Variants in UMAD1 observed in about 807,000 individuals in gnomAD.
The protein encoded by UMAD1 is UBAP1-MVB12-associated (UMA) domain containing 1.
Under a neutral mutation model 6.1 loss-of-function variants are expected in UMAD1, and 8 were observed. The ratio of observed to expected loss-of-function variants is 1.30; its 90% CI spans 0.76 to 2.35. The LOEUF (loss-of-function observed/expected upper bound fraction) is 2.35. Among genes scored for constraint, UMAD1 ranks in the 30% most tolerant of loss-of-function variants. The pLI, the probability that UMAD1 is intolerant of heterozygous loss-of-function variation, is 0.00. For missense variants in UMAD1, 130 were observed against 78.4 expected (o/e 1.66, Z -2.49); for synonymous variants, 56 against 31.4 (o/e 1.78, Z -2.61).
intron 2 of UMAD1, among the ~76,000 whole-genome samples, chr7:7,732,495 C>T (rs1340322538): frequency 6.6e-6 from 1 of 151,954 alleles, no homozygotes; most frequent in Admixed American, 6.6e-5. Context: ...GTATTTATGA[C>T]AGAAAAAAAT....
In UMAD1 at chr7:7,699,120, C is replaced by T. The variant is rs573938034; in HGVS notation, c.82+25667C>T. ...TTTGCCTGCCTTGGCTTCCAAAGTG[C>T]TAGCATTATAGGTGTGAGCCACCGT... On this transcript the variant is annotated intron_variant, in intron 2 of 3. Transcript: ENST00000682710. Among the ~76,000 whole-genome samples, 9 of 151,964 alleles carry T rather than the reference C, an allele frequency of 5.9e-5. No individual in the cohort carries two copies. The East Asian group carries it at 1.7e-3, about 29-fold the overall frequency.
intron 3 of UMAD1, among the ~76,000 whole-genome samples, chr7:7,845,319 T>C (rs2115318471): frequency 6.6e-6 from 1 of 152,182 alleles, no homozygotes; most frequent in African/African-American, 2.4e-5. Context: ...ACATATGTAG[T>C]TCTTATTAAT....
chr7:7,774,965 C>G (rs1782172836), intron 2 of UMAD1, among the ~76,000 whole-genome samples: 1 of 152,146 alleles, frequency 6.6e-6, no homozygotes, highest in South Asian at 2.1e-4. Context: ...CTTCTCTAAC[C>G]TTTCTTCATC....
intron 2 of UMAD1, among the ~76,000 whole-genome samples, chr7:7,751,517 AG>A (rs1420694221): frequency 6.6e-6 from 1 of 152,220 alleles, no homozygotes; most frequent in Non-Finnish European, 1.5e-5. Context: ...TGGAAAAGTC[AG>A]GGAAACTAAA....
chr7:7,734,382 A>G (rs886720402), intron 2 of UMAD1, among the ~76,000 whole-genome samples: 1 of 152,048 alleles, frequency 6.6e-6, no homozygotes, highest in African/African-American at 2.4e-5. Flanking sequence ...AGATTTTTAA[A>G]TTTTAATTAA....
At chr7:7,829,675 C>T (rs1272446631) in intron 3 of UMAD1, among the ~76,000 whole-genome samples, 6 of 152,166 alleles carry the variant, frequency 3.9e-5, no homozygotes, top group South Asian at 2.1e-4. Context: ...ATGTAATGAA[C>T]GAGCATTTTA....
chr7:7,839,754 A>G (rs965345139), intron 3 of UMAD1, among the ~76,000 whole-genome samples: 8 of 152,152 alleles, frequency 5.3e-5, no homozygotes, highest in Non-Finnish European at 8.8e-5. Flanking sequence ...GACAAGTTTA[A>G]TGGGGATTGG....
intron 2 of UMAD1, among the ~76,000 whole-genome samples, chr7:7,720,180 G>T (rs1781013963): frequency 6.6e-6 from 1 of 152,068 alleles, no homozygotes; most frequent in Non-Finnish European, 1.5e-5. Context: ...AATCTTAATT[G>T]TAAATAGCTA....
chr7:7,838,322 T>C (rs1783609619), intron 3 of UMAD1, among the ~76,000 whole-genome samples: 1 of 152,080 alleles, frequency 6.6e-6, no homozygotes, highest in Admixed American at 6.5e-5. Flanking sequence ...GAGTAAAAAT[T>C]AGTGAGGGAA....
chr7:7,802,947 A>G (rs1158461710), intron 3 of UMAD1, among the ~76,000 whole-genome samples: 1 of 152,236 alleles, frequency 6.6e-6, no homozygotes, highest in African/African-American at 2.4e-5. Context: ...TATTTAAAAC[A>G]TCTTATTTAA....
At chr7:7,702,552 C>T (rs1780487089) in intron 2 of UMAD1, among the ~76,000 whole-genome samples, 1 of 152,090 alleles carries the variant, frequency 6.6e-6, no homozygotes, top group Admixed American at 6.6e-5. Context: ...ATTTTCATGT[C>T]ATTTTCTGTA....
chr7:7,677,685 T>G (rs1779780747), intron 2 of UMAD1, among the ~76,000 whole-genome samples: 1 of 142,138 alleles, frequency 7.0e-6, no homozygotes, highest in Non-Finnish European at 1.5e-5. Flanking sequence ...TTTTTTTTTT[T>G]TTTTTTGAGA....
At chr7:7,814,227 G>T (rs1255587357) in intron 3 of UMAD1, among the ~76,000 whole-genome samples, 2 of 152,016 alleles carry the variant, frequency 1.3e-5, no homozygotes, top group Non-Finnish European at 2.9e-5. Context: ...TTTGTGATCC[G>T]CCTGCCTCAG....
At chr7:7,871,425 C>T (rs1784329900) in intron 3 of UMAD1, among the ~76,000 whole-genome samples, 2 of 152,206 alleles carry the variant, frequency 1.3e-5, no homozygotes, top group African/African-American at 4.8e-5. Flanking sequence ...TCACCACTGA[C>T]AAGCTGTGTA....
chr7:7,807,188 G>A (rs987619446), intron 3 of UMAD1, among the ~76,000 whole-genome samples: 30 of 152,122 alleles, frequency 2.0e-4, no homozygotes, highest in African/African-American at 7.2e-4. Flanking sequence ...AACTACAAAG[G>A]TAGCTGTGAG....
intron 3 of UMAD1, among the ~76,000 whole-genome samples, chr7:7,803,374 C>T (rs905834706): frequency 3.9e-5 from 6 of 152,162 alleles, no homozygotes; most frequent in Non-Finnish European, 8.8e-5. Flanking sequence ...ACTCAGAAGG[C>T]TGAGGTGGGA....
chr7:7,815,067 T>C (rs1256446838), intron 3 of UMAD1, among the ~76,000 whole-genome samples: 5 of 152,196 alleles, frequency 3.3e-5, no homozygotes, highest in Non-Finnish European at 7.3e-5. Context: ...GGATTTTTGA[T>C]ATCAGTATAG....
chr7:7,850,917 A>G (rs78004564), intron 3 of UMAD1, among the ~76,000 whole-genome samples: 3,151 of 152,268 alleles, frequency 0.021, 123 homozygotes, highest in African/African-American at 0.071. Flanking sequence ...TAAATTTTAA[A>G]ATGAATGTGG....
intron 2 of UMAD1, among the ~76,000 whole-genome samples, chr7:7,704,669 G>C (rs1321549291): frequency 6.8e-6 from 1 of 146,468 alleles, no homozygotes; most frequent in Admixed American, 6.9e-5. Context: ...TCAGAAAGCT[G>C]AGGGTGAGAA....
Sources: allele counts gnomAD v4.1 joint callset (sites outside exome capture counted in the v4.1 genomes callset), GRCh38; gene constraint gnomAD v4.1.1; transcripts MANE v1.5; gene names NCBI Gene and HGNC (gene_info 2026-07-23, HGNC 2026-07-21).